The following ABCA7 variants were observed in gnomAD, a reference collection of about 807,000 sequenced individuals.
The protein encoded by ABCA7 is ATP binding cassette subfamily A member 7, also known as phospholipid-transporting ATPase ABCA7.
Under a neutral mutation model 227.6 loss-of-function variants are expected in ABCA7, and 261 were observed. The ratio of observed to expected loss-of-function variants is 1.15; its 90% CI spans 1.04 to 1.27. ABCA7 has a LOEUF of 1.27. Among genes scored for constraint, ABCA7 ranks in the 50% most tolerant of loss-of-function variants. The pLI, the probability that ABCA7 is intolerant of heterozygous loss-of-function variation, is 0.00. For missense variants in ABCA7, 3,331 were observed against 2,924.5 expected (o/e 1.14, Z -3.21); for synonymous variants, 1,488 against 1,279.7 (o/e 1.16, Z -3.47).
chr19:1,050,305 A>G (rs1193409134), intron 18 of ABCA7, among the ~76,000 whole-genome samples: 1 of 151,748 alleles, frequency 6.6e-6, no homozygotes, highest in Non-Finnish European at 1.5e-5. Flanking sequence ...CCAGCTACTC[A>G]GGAGGCTGAG....
At chr19:1,044,437 G>A in intron 10 of ABCA7, 140 bp from the exon 11 acceptor site, 3 of 938,928 alleles carry the variant, frequency 3.2e-6, no homozygotes, top group South Asian at 1.7e-5. Context: ...TAGTAGAGAT[G>A]GGCTTTCACC....
In ABCA7 at chr19:1,055,216, C is replaced by T; in HGVS notation, c.4070C>T (p.Pro1357Leu). Reference sequence around the variant, plus strand: ...CGGCCCGGTGCCCGGCGCCTGCTGCCCGACTGCCCGGCTGCAGCTGGTGGT... The same window carrying T: ...CGGCCCGGTGCCCGGCGCCTGCTGCTCGACTGCCCGGCTGCAGCTGGTGGT... ...CSRPGARRLL[P>L]DCPAAAGGPP... The change falls in exon 30 of 47, where the codon CCC (proline) becomes CTC (leucine). Residue 1357 changes from proline (P) to leucine (L), a missense_variant. By Grantham distance (98) the Pro-to-Leu change is moderately conservative. Transcript: ENST00000263094. 6.2e-7 allele frequency: 1 copy of T among 1,608,704 alleles called. No individual in the cohort carries two copies. Among genetic ancestry groups the T allele is most frequent in the Non-Finnish European group, 8.5e-7 (1 of 1,178,066 alleles).
In ABCA7 at chr19:1,048,921, A is replaced by C; in HGVS notation, c.2296A>C (p.Asn766His). 2.5e-6 allele frequency: 4 copies of C among 1,608,998 alleles called. No homozygotes were observed. Among genetic ancestry groups the C allele is most frequent in the Non-Finnish European group, 3.4e-6 (4 of 1,178,132 alleles). The change falls in exon 17 of 47, where the codon AAT becomes CAT. Residue 766 changes from asparagine to histidine, a missense_variant. Asn to His is a moderately conservative substitution (Grantham distance 68). Coordinates refer to ENST00000263094, the MANE Select transcript of ABCA7 (RefSeq NM_019112.4). ...CCAGTACGGGATCCCTGAACCATGGAATTTTCCTTTTCGGAGGAGCTACTG... is the reference window on the plus strand; with the variant it reads ...CCAGTACGGGATCCCTGAACCATGGCATTTTCCTTTTCGGAGGAGCTACTG... The part of the protein sequence containing the change: ...PGQYGIPEPW[N>H]FPFRRSYWCG...
chr19:1,041,641 G>A (rs1958112862), intron 3 of ABCA7, 38 bp downstream of exon 3: 1 of 1,600,452 alleles, frequency 6.2e-7, no homozygotes, highest in African/African-American at 1.3e-5. Flanking sequence ...TGTGTGTGTA[G>A]GGGAAGGCAG....
chr19:1,062,105 C>T, intron 41 of ABCA7, 67 bp from the exon 42 acceptor site: 2 of 1,581,582 alleles, frequency 1.3e-6, no homozygotes, highest in Non-Finnish European at 1.7e-6. Flanking sequence ...CCTGAGACCC[C>T]TGTGTTAGCC....
rs762819843 is a variant in ABCA7 at position 1,053,847 on chromosome 19, A to T, written c.3472+11A>T. 7 of 1,608,810 alleles carry T rather than the reference A, an allele frequency of 4.4e-6. No individual in the cohort carries two copies. In the East Asian group the frequency reaches 1.6e-4, roughly 36 times the overall value. ...ACACAGATATGGAGGGTGCGGCCAC[A>T]GCTCCCTGACCCCTGACCCCAGTCC... On this transcript the variant is annotated intron_variant, in intron 25 of 46. Coordinates refer to ENST00000263094, the MANE Select transcript of ABCA7 (RefSeq NM_019112.4).
chr19:1,046,739 T>C, intron 13 of ABCA7, 63 bp from the exon 14 acceptor site: 1 of 1,464,322 alleles, frequency 6.8e-7, no homozygotes, highest in Non-Finnish European at 9.2e-7. Context: ...TCGTGCCAGA[T>C]GGTGGGCGGA....
Position 1,054,933 on chromosome 19 carries a change from C to A in ABCA7, c.3950+55C>A. The A allele has an allele frequency of 1.3e-6, 2 of 1,554,434 alleles. No individual in the cohort carries two copies. The highest frequency in any genetic ancestry group is 1.7e-6 in the Non-Finnish European group (2 of 1,144,946). ...CCCTCTCTGGCCTCAGTTTTCCCAT[C>A]TGGTCCCTGGCCAGGGAGCCTCAGG... On this transcript the variant is annotated intron_variant, in intron 29 of 46. Transcript: ENST00000263094. The surrounding 1 kb of genome is among the most constrained non-coding windows in gnomAD (Gnocchi z 4.8).
chr19:1,064,935 G>A lies in ABCA7; in HGVS notation c.6049G>A (p.Ala2017Thr), dbSNP rs1279116816. The change falls in exon 46 of 47, where the codon GCG becomes ACG. Residue 2017 changes from alanine to threonine, a missense_variant. By Grantham distance (58) the Ala-to-Thr change is moderately conservative. Transcript: ENST00000263094. ...CCCTGGCCCCACTCACTGCAGATTCGCGGCGGGTCACACACTGACCCTGCG... is the reference window on the plus strand; with the variant it reads ...CCCTGGCCCCACTCACTGCAGATTCACGGCGGGTCACACACTGACCCTGCG... ...GSPQHLKGRF[A>T]AGHTLTLRVP... 1.3e-6 allele frequency: 2 copies of A among 1,549,764 alleles called. No individual in the cohort carries two copies. Among genetic ancestry groups the A allele is most frequent in the Non-Finnish European group, 1.7e-6 (2 of 1,147,946 alleles).
intron 42 of ABCA7, 70 bp from the exon 43 acceptor site, chr19:1,063,474 C>T (rs2042821055): frequency 1.3e-6 from 2 of 1,562,278 alleles, no homozygotes; most frequent in Non-Finnish European, 1.7e-6. Flanking sequence ...ATGCTGGCCC[C>T]GCCACACTGT....
At chr19:1,060,947 G>T (rs1252846169) in intron 40 of ABCA7, among the ~76,000 whole-genome samples, 4 of 152,162 alleles carry the variant, frequency 2.6e-5, no homozygotes, top group Non-Finnish European at 4.4e-5. Context: ...CCTGATATTT[G>T]TTGAGCACTG....
chr19:1,045,346 T>G (rs74682193), intron 12 of ABCA7, 115 bp downstream of exon 12: 1 of 1,079,332 alleles, frequency 9.3e-7, no homozygotes, highest in Admixed American at 2.3e-5. Context: ...ATCTGGGCTG[T>G]ATCAACAGTG....
In ABCA7 at chr19:1,056,949, C is replaced by T; in HGVS notation, c.4629C>T (p.Val1543=). ...SVDVLVSICV[V]FAMSFVPASF... is the part of the protein sequence containing the mutation. ...ACGTCCTCGTCTCCATCTGTGTGGT[C>T]TTTGCCATGTCCTTTGTCCCGGCCA... is the stretch of plus-strand genomic sequence containing the variant. Residue 1543 remains valine, a synonymous_variant, in exon 34 of 47, where the codon GTC becomes GTT. Transcript: ENST00000263094. This position sits in a 1 kb window ranked among gnomAD's most constrained non-coding sequence, Gnocchi z 4.3. 6.2e-7 allele frequency: 1 copy of T among 1,614,120 alleles called. No homozygotes were observed. Among genetic ancestry groups the T allele is most frequent in the Non-Finnish European group, 8.5e-7 (1 of 1,180,016 alleles).
rs776861824 is a variant in ABCA7 at position 1,064,142 on chromosome 19, T to C, written c.5952-19T>C. ...GGTGGCCCCGGCCTCACGGAGCTCG[T>C]GGTGCCGGGTCCCGACAGCATGGAG... On this transcript the variant is annotated intron_variant, in intron 44 of 46. Transcript: ENST00000263094. 3 of 1,542,248 alleles carry C rather than the reference T, an allele frequency of 1.9e-6. No individual in the cohort carries two copies. In the South Asian group the frequency reaches 3.6e-5, roughly 18 times the overall value.
intron 18 of ABCA7, among the ~76,000 whole-genome samples, chr19:1,050,400 A>G (rs1395704393): frequency 6.6e-6 from 1 of 151,462 alleles, no homozygotes; most frequent in Non-Finnish European, 1.5e-5. Context: ...CAACAGAGTG[A>G]GACTCTGTCA....
chr19:1,046,773 A>AGCCTCCACCCCAGCC, intron 13 of ABCA7, 29 bp from the exon 14 acceptor site: 1 of 1,529,798 alleles, frequency 6.5e-7, no homozygotes, highest in Middle Eastern at 2.0e-4. Flanking sequence ...GAGGGTCTCC[A>AGCCTCCACCCCAGCC]GCCTCCACCC....
In ABCA7 at chr19:1,057,928, C is replaced by G. The variant is rs752860662; in HGVS notation, c.4894C>G (p.Pro1632Ala). 2 of 1,614,074 alleles carry G rather than the reference C, an allele frequency of 1.2e-6. No homozygotes were observed. Among genetic ancestry groups the G allele is most frequent in the Non-Finnish European group, 1.7e-6 (2 of 1,180,022 alleles). ...TTGTCCCTTCAGCTGGTCGATCACA[C>G]CGCTCATGTACCCAGCCTCCTTCTT... ...LLLLYGWSITPLMYPASFFFS... is the reference protein window; with the variant it reads ...LLLLYGWSITALMYPASFFFS... Residue 1632 changes from proline to alanine, a missense_variant, in exon 36 of 47, where the codon CCG becomes GCG. Pro to Ala is a conservative substitution (Grantham distance 27, BLOSUM62 -1). Coordinates refer to ENST00000263094, the MANE Select transcript of ABCA7 (RefSeq NM_019112.4).
chr19:1,047,543 G>T lies in ABCA7; in HGVS notation c.2158G>T (p.Gly720Cys). 1 of 1,599,842 alleles carries T rather than the reference G, an allele frequency of 6.3e-7. No homozygotes were observed. ...QGEGAQWHNV[G>C]TRPTADVFSL... ...CGAGGGCGCGCAGTGGCACAACGTG[G>T]GCACCCGGCCTACGGCAGACGTCTT... Residue 720 changes from glycine to cysteine, a missense_variant, in exon 16 of 47, where the codon GGC (glycine) becomes TGC (cysteine). Transcript: ENST00000263094.
chr19:1,058,122 C>G (rs1283041010), intron 36 of ABCA7, 24 bp from the exon 37 acceptor site: 1 of 1,613,866 alleles, frequency 6.2e-7, no homozygotes, highest in African/African-American at 1.3e-5. Context: ...CCCTGACCAA[C>G]ATCCGTCTCC....
Sources: gnomAD v4.1 joint callset for allele counts (sites outside exome capture counted in the v4.1 genomes callset) on GRCh38, gnomAD v4.1.1 for gene constraint, Gnocchi (gnomAD v3.1) non-coding constraint, MANE v1.5 for transcripts, NCBI Gene and HGNC (gene_info 2026-07-23, HGNC 2026-07-21) for gene names.